The following SLCO5A1 variants were observed in gnomAD, a reference collection of about 807,000 sequenced individuals.
The protein encoded by SLCO5A1 is solute carrier organic anion transporter family member 5A1.
In SLCO5A1, 39 loss-of-function variants were observed where a neutral mutation model predicts 65.1. The ratio of observed to expected loss-of-function variants is 0.60; its 90% CI spans 0.46 to 0.78. The LOEUF (loss-of-function observed/expected upper bound fraction) is 0.78. SLCO5A1 is among the 30% of genes least tolerant of loss of function. The pLI is 0.00. For synonymous variants in SLCO5A1, 438 were observed against 415.7 expected (o/e 1.05, Z -0.65); for missense variants, 1,029 against 1,069.4 (o/e 0.96, Z 0.53).
At chr8:69,733,421 A>G (rs777889165) in intron 5 of SLCO5A1, among the ~76,000 whole-genome samples, 3 of 152,206 alleles carry the variant, frequency 2.0e-5, no homozygotes, top group Admixed American at 1.3e-4. Flanking sequence ...CTCCAGTTTC[A>G]GCTGAAATTT....
intron 3 of SLCO5A1, chr8:69,761,509 G>T: frequency 2.1e-6 from 1 of 469,832 alleles, no homozygotes; most frequent in Non-Finnish European, 3.7e-6. Context: ...TAATATCAGA[G>T]TCCTTAATCA....
At chr8:69,712,361 G>T (rs1815306531) in intron 5 of SLCO5A1, among the ~76,000 whole-genome samples, 1 of 152,112 alleles carries the variant, frequency 6.6e-6, no homozygotes, top group Admixed American at 6.5e-5. Flanking sequence ...GAGCCAAAGG[G>T]TCTTTATGAA....
chr8:69,740,616 C>A (rs189224832), intron 4 of SLCO5A1, among the ~76,000 whole-genome samples: 137 of 152,268 alleles, frequency 9.0e-4, no homozygotes, highest in African/African-American at 3.2e-3. Flanking sequence ...ACCTAGCAAC[C>A]AATTCTTGAT....
At position 69,667,833 on chromosome 8, in the gene SLCO5A1, T is replaced by G. The variant is rs1293621204; in HGVS notation, c.*5036A>C. ...AATAAATATCAAAAGCACTGAGTATTCCATAGAAAAGTATCCCCCCTTTCA... is the reference window on the plus strand; with the variant it reads ...AATAAATATCAAAAGCACTGAGTATGCCATAGAAAAGTATCCCCCCTTTCA... On this transcript the variant is annotated 3_prime_UTR_variant, in exon 10 of 10. Coordinates refer to ENST00000260126, the MANE Select transcript of SLCO5A1 (RefSeq NM_030958.3). 1.3e-5 allele frequency: 2 copies of G among 152,234 alleles called. No homozygotes were observed. The highest frequency in any genetic ancestry group is 2.9e-5 in the Non-Finnish European group (2 of 68,042). The allele number at this position is 152,234 out of a possible 1,614,324, so 9.4% of individuals were successfully genotyped here. A position where few individuals can be genotyped will look rare whatever the true frequency, so the allele number is the denominator to read the frequency against.
intron 4 of SLCO5A1, among the ~76,000 whole-genome samples, chr8:69,740,955 C>G (rs896666447): frequency 5.3e-5 from 8 of 152,112 alleles, no homozygotes; most frequent in Non-Finnish European, 1.5e-5. Flanking sequence ...TTTGTAACCC[C>G]AAAAATTAAC....
At chr8:69,692,739 C>A (rs1052007919) in intron 6 of SLCO5A1, among the ~76,000 whole-genome samples, 1 of 152,320 alleles carries the variant, frequency 6.6e-6, no homozygotes, top group African/African-American at 2.4e-5. Context: ...CTCCCACCCC[C>A]ATATCTTGTC....
chr8:69,790,735 T>G lies in SLCO5A1; in HGVS notation c.908-28860A>C, dbSNP rs182445894. On this transcript the variant is annotated intron_variant, in intron 2 of 9. Transcript: ENST00000260126. ...AATAATATGCGGTTTTAAACTACAA[T>G]GAACAAGAGCAGTATGAACTAAAAA... 4.9e-3 allele frequency among the ~76,000 whole-genome samples: 742 copies of G among 152,170 alleles called. 2 individuals carry two copies. The highest frequency in any genetic ancestry group is 7.5e-3 in the Non-Finnish European group (508 of 67,998).
chr8:69,781,640 T>C (rs13268026), intron 2 of SLCO5A1, among the ~76,000 whole-genome samples: 1 of 150,610 alleles, frequency 6.6e-6, no homozygotes, highest in Non-Finnish European at 1.5e-5. Flanking sequence ...TCCTTTTTTG[T>C]TTTTGTTTTT....
chr8:69,673,190 A>C lies in SLCO5A1; in HGVS notation c.2226T>G (p.Ala742=). ...TAAACCCAACGAATTTGAGGCCGGC[A>C]GCCAAACCAAAATACACAAAACGAA... ...TSFRFVYFGL[A]AGLKFVGFIF... Residue 742 remains alanine (A), a synonymous_variant, in exon 10 of 10, where the codon GCT becomes GCG. Transcript: ENST00000260126. 2 of 1,614,246 alleles carry C rather than the reference A, an allele frequency of 1.2e-6. No homozygotes were observed. Among genetic ancestry groups the C allele is most frequent in the Non-Finnish European group, 1.7e-6 (2 of 1,180,044 alleles).
chr8:69,755,395 C>A (rs1360540360), intron 4 of SLCO5A1, 29 bp downstream of exon 4: 6 of 1,582,746 alleles, frequency 3.8e-6, no homozygotes, highest in Non-Finnish European at 5.2e-6. Context: ...AAGTGCCATG[C>A]ATGTATTTAT....
chr8:69,769,069 A>C (rs1818201977), intron 2 of SLCO5A1, among the ~76,000 whole-genome samples: 1 of 152,046 alleles, frequency 6.6e-6, no homozygotes, highest in Non-Finnish European at 1.5e-5. Flanking sequence ...TGCTGGTCGC[A>C]TGGTCATTCT....
chr8:69,747,570 A>G (rs1817096079), intron 4 of SLCO5A1, among the ~76,000 whole-genome samples: 1 of 152,230 alleles, frequency 6.6e-6, no homozygotes, highest in African/African-American at 2.4e-5. Flanking sequence ...TTTAAAGTAT[A>G]CCAGAGGATG....
intron 3 of SLCO5A1, among the ~76,000 whole-genome samples, chr8:69,758,441 A>C (rs1345986975): frequency 6.6e-6 from 1 of 152,020 alleles, no homozygotes; most frequent in Non-Finnish European, 1.5e-5. Context: ...CAGCTTCCCA[A>C]AGTGCTGGGA....
chr8:69,747,672 T>C (rs949651867), intron 4 of SLCO5A1, among the ~76,000 whole-genome samples: 5 of 152,156 alleles, frequency 3.3e-5, no homozygotes, highest in African/African-American at 1.2e-4. Flanking sequence ...CTGGAACCCA[T>C]CCCCCGTGGA....
intron 2 of SLCO5A1, among the ~76,000 whole-genome samples, chr8:69,774,883 A>G (rs143004399): frequency 1.6e-3 from 244 of 152,320 alleles, no homozygotes; most frequent in African/African-American, 5.5e-3. Context: ...TTCAACTTAC[A>G]TATTCCCTGA....
intron 5 of SLCO5A1, among the ~76,000 whole-genome samples, chr8:69,736,912 A>G (rs1487443250): frequency 6.6e-6 from 1 of 152,228 alleles, no homozygotes; most frequent in African/African-American, 2.4e-5. Context: ...TTAGTGGAAG[A>G]GTTAAACTAC....
At position 69,674,071 on chromosome 8, in the gene SLCO5A1, C is replaced by T. The variant is rs1319499849; in HGVS notation, c.2090-745G>A. On this transcript the variant is annotated intron_variant, in intron 9 of 9. Coordinates refer to ENST00000260126, the MANE Select transcript of SLCO5A1 (RefSeq NM_030958.3). ...ATGCTACTCCCTTTACCAAAATGTTCCCCCAACTCATTCACTTTGCAAATA... is the reference window on the plus strand; with the variant it reads ...ATGCTACTCCCTTTACCAAAATGTTTCCCCAACTCATTCACTTTGCAAATA... 5.3e-5 allele frequency among the ~76,000 whole-genome samples: 8 copies of T among 152,182 alleles called. 1 individual carries two copies. The highest frequency in any genetic ancestry group is 8.8e-5 in the Non-Finnish European group (6 of 68,026).
At chr8:69,811,604 G>A (rs1220542852) in intron 2 of SLCO5A1, among the ~76,000 whole-genome samples, 4 of 152,134 alleles carry the variant, frequency 2.6e-5, no homozygotes, top group East Asian at 1.9e-4. Context: ...CAACATGGAC[G>A]GGCTGAGCAA....
rs16936266 is a variant in SLCO5A1 at position 69,668,547 on chromosome 8, C to T, written c.*4322G>A. Reference sequence around the variant, plus strand: ...ATCACAAAATATAATTGGCTACCACCCGAGGCTTGGGCTTGCCTCCTGCTC... The same window carrying T: ...ATCACAAAATATAATTGGCTACCACTCGAGGCTTGGGCTTGCCTCCTGCTC... On this transcript the variant is annotated 3_prime_UTR_variant, in exon 10 of 10. Transcript: ENST00000260126. 0.22 allele frequency: 33,701 copies of T among 152,108 alleles called. 3,979 individuals carry two copies. Among genetic ancestry groups the T allele is most frequent in the East Asian group, 0.36 (1,887 of 5,172 alleles). 9.4% of individuals were successfully genotyped at this position (152,108 alleles called of 1,614,324 possible). A position where few individuals can be genotyped will look rare whatever the true frequency, so the allele number is the denominator to read the frequency against.
Sources: gnomAD v4.1 joint callset for allele counts (sites outside exome capture counted in the v4.1 genomes callset) on GRCh38, gnomAD v4.1.1 for gene constraint, MANE v1.5 for transcripts, NCBI Gene and HGNC (gene_info 2026-07-23, HGNC 2026-07-21) for gene names.